The following EYS variants were observed in gnomAD, a reference collection of about 807,000 sequenced individuals.
The protein encoded by EYS is EGF-like photoreceptor maintenance factor.
In EYS, 250 loss-of-function variants were observed where a neutral mutation model predicts 282.1. The ratio of observed to expected loss-of-function variants is 0.89; its 90% CI spans 0.80 to 0.98. The LOEUF is 0.98. Ranked by LOEUF, EYS falls within the 50% of genes least tolerant of loss-of-function variation. The pLI, the probability that EYS is intolerant of heterozygous loss-of-function variation, is 0.00. For synonymous variants in EYS, 1,355 were observed against 1,282.9 expected (o/e 1.06, Z -1.20); for missense variants, 4,016 against 3,709.0 (o/e 1.08, Z -2.15).
At chr6:64,355,341 T>C (rs968186567) in intron 29 of EYS, among the ~76,000 whole-genome samples, 5 of 151,554 alleles carry the variant, frequency 3.3e-5, no homozygotes, top group African/African-American at 1.2e-4. Flanking sequence ...TCCTCATTAG[T>C]AAAATGGGAA....
intron 18 of EYS, among the ~76,000 whole-genome samples, chr6:64,897,284 G>A (rs1473408852): frequency 1.3e-5 from 2 of 152,136 alleles, no homozygotes; most frequent in East Asian, 3.9e-4. Context: ...CCTTTCTGCA[G>A]CCTCCACTGG....
chr6:64,410,255 A>G (rs1485811659), intron 28 of EYS, among the ~76,000 whole-genome samples: 2 of 152,164 alleles, frequency 1.3e-5, no homozygotes, highest in Non-Finnish European at 2.9e-5. Context: ...GGCTGATGGA[A>G]ACTCAAGTTA....
intron 36 of EYS, among the ~76,000 whole-genome samples, chr6:63,831,722 G>C (rs1213560269): frequency 6.6e-6 from 1 of 152,084 alleles, no homozygotes; most frequent in Non-Finnish European, 1.5e-5. Context: ...AGACATAATA[G>C]GCATCTACAG....
At chr6:65,248,858 T>C (rs1767247810) in intron 12 of EYS, among the ~76,000 whole-genome samples, 1 of 151,910 alleles carries the variant, frequency 6.6e-6, no homozygotes, top group Non-Finnish European at 1.5e-5. Flanking sequence ...TTCAGATTGA[T>C]ATGTATGTGT....
At chr6:65,071,492 G>A (rs1399465916) in intron 12 of EYS, among the ~76,000 whole-genome samples, 1 of 151,634 alleles carries the variant, frequency 6.6e-6, no homozygotes, top group Non-Finnish European at 1.5e-5. Flanking sequence ...TCTAATAACA[G>A]GCAGATCAAC....
At chr6:64,986,821 A>G (rs1460242331) in intron 14 of EYS, among the ~76,000 whole-genome samples, 5 of 149,174 alleles carry the variant, frequency 3.4e-5, no homozygotes, top group African/African-American at 1.2e-4. Flanking sequence ...TATAACTCAG[A>G]CCAAAAATTC....
chr6:64,379,716 A>C (rs955545656), intron 29 of EYS: 2 of 152,182 alleles, frequency 1.3e-5, no homozygotes, highest in Non-Finnish European at 1.5e-5. Context: ...ATCTTAGGTG[A>C]GCGGAACACA....
intron 31 of EYS, among the ~76,000 whole-genome samples, chr6:64,154,037 ATACT>A (rs769319668): frequency 8.5e-4 from 130 of 152,348 alleles, no homozygotes; most frequent in Non-Finnish European, 5.3e-4. Flanking sequence ...TTCCAAAATA[ATACT>A]TACTGTTTTT....
chr6:65,289,680 A>G (rs935318531), intron 12 of EYS, among the ~76,000 whole-genome samples: 1 of 151,180 alleles, frequency 6.6e-6, no homozygotes, highest in African/African-American at 2.4e-5. Flanking sequence ...GGAATCCAAC[A>G]TTCCTAACTC....
chr6:65,469,420 A>T lies in EYS; in HGVS notation c.862+21174T>A, dbSNP rs1349559771. On this transcript the variant is annotated intron_variant, in intron 5 of 42. Transcript: ENST00000503581. Reference sequence around the variant, plus strand: ...TTTTCAGTCTGGTAAATATACATAGATATGTATTTCTTTTCCATTAAAATT... The same window carrying T: ...TTTTCAGTCTGGTAAATATACATAGTTATGTATTTCTTTTCCATTAAAATT... Among the ~76,000 whole-genome samples, 3 of 152,006 alleles carry T rather than the reference A, an allele frequency of 2.0e-5. No individual in the cohort carries two copies. The East Asian group carries it at 5.8e-4, about 29-fold the overall frequency.
chr6:65,213,648 C>T (rs991548068), intron 12 of EYS, among the ~76,000 whole-genome samples: 7 of 152,128 alleles, frequency 4.6e-5, no homozygotes, highest in African/African-American at 1.7e-4. Flanking sequence ...AGTCAGATAA[C>T]TTAATTGCTA....
chr6:65,258,202 T>G (rs1379457692), intron 12 of EYS, among the ~76,000 whole-genome samples: 1 of 151,992 alleles, frequency 6.6e-6, no homozygotes, highest in East Asian at 1.9e-4. Context: ...AACATGGATA[T>G]CATTTTCCAG....
chr6:65,325,627 G>T (rs1769598347), intron 11 of EYS, among the ~76,000 whole-genome samples: 1 of 152,220 alleles, frequency 6.6e-6, no homozygotes, highest in Admixed American at 6.5e-5. Flanking sequence ...ATGTGTCAGG[G>T]ACAGGGGACT....
rs1554193104 is a variant in EYS, at chr6:64,686,827, A to ATATATGTGTATATATATACGTG, written c.3444-60583_3444-60582insCACGTATATATATACACATATA. Among the ~76,000 whole-genome samples the ATATATGTGTATATATATACGTG allele has an allele frequency of 2.4e-4, 10 of 40,870 alleles. 1 individual carries two copies. Among genetic ancestry groups the ATATATGTGTATATATATACGTG allele is most frequent in the African/African-American group, 6.8e-4 (9 of 13,154 alleles). The allele number at this position is 40,870 out of a possible 152,430, so 26.8% of individuals were successfully genotyped here. ...TATGTGTGTATATATATATGTGTAT[A>ATATATGTGTATATATATACGTG]TATATATATACGTGTATATATATAT... On this transcript the variant is annotated intron_variant, in intron 22 of 42. Transcript: ENST00000503581.
chr6:64,320,868 C>G lies in EYS; in HGVS notation c.6079-13786G>C, dbSNP rs967378383. Among the ~76,000 whole-genome samples the G allele has an allele frequency of 9.9e-5, 15 of 151,654 alleles. No individual in the cohort carries two copies. In the South Asian group the frequency reaches 2.7e-3, roughly 27 times the overall value. On this transcript the variant is annotated intron_variant, in intron 29 of 42. Coordinates refer to ENST00000503581, the MANE Select transcript of EYS (RefSeq NM_001142800.2). Reference sequence around the variant, plus strand: ...CAATTACTCATTCATGGCCAGAAAACCTATATGCTTTTTAAAAAATAAATT... The same window carrying G: ...CAATTACTCATTCATGGCCAGAAAAGCTATATGCTTTTTAAAAAATAAATT...
At chr6:64,890,490 TA>T (rs1338158981) in intron 18 of EYS, among the ~76,000 whole-genome samples, 1 of 152,126 alleles carries the variant, frequency 6.6e-6, no homozygotes, top group Non-Finnish European at 1.5e-5. Context: ...GCTGTCCCTT[TA>T]TTTCTCAAGC....
At chr6:64,646,153 A>G (rs922013319) in intron 22 of EYS, among the ~76,000 whole-genome samples, 7 of 152,226 alleles carry the variant, frequency 4.6e-5, no homozygotes, top group Non-Finnish European at 8.8e-5. Flanking sequence ...GGCAGGGGCT[A>G]CAAGGCATTT....
At chr6:64,186,835 T>G (rs924461290) in intron 31 of EYS, among the ~76,000 whole-genome samples, 1 of 152,124 alleles carries the variant, frequency 6.6e-6, no homozygotes, top group Admixed American at 6.6e-5. Flanking sequence ...AGTTATGTTT[T>G]AAAACTGATT....
intron 22 of EYS, among the ~76,000 whole-genome samples, chr6:64,662,118 C>A (rs1769050841): frequency 6.6e-6 from 1 of 150,582 alleles, no homozygotes; most frequent in South Asian, 2.1e-4. Context: ...TCATTCTCAG[C>A]AAACTATCAC....
Sources: gnomAD v4.1 joint callset for allele counts (sites outside exome capture counted in the v4.1 genomes callset) on GRCh38, gnomAD v4.1.1 for gene constraint, MANE v1.5 for transcripts, NCBI Gene and HGNC (gene_info 2026-07-23, HGNC 2026-07-21) for gene names.